CNIH3: variants seen among roughly 807,000 people sequenced by gnomAD.
CNIH3 encodes the protein protein cornichon homolog 3.
In CNIH3, 14 loss-of-function variants were observed where a neutral mutation model predicts 24.1. That is an observed-to-expected ratio of 0.58 (90% CI 0.38 to 0.91). CNIH3 has a LOEUF of 0.91. Ranked by LOEUF, CNIH3 falls within the 40% of genes least tolerant of loss-of-function variation. The probability of loss-of-function intolerance (pLI) is 0.00; values close to 1 mark genes in which losing one functional copy is unlikely to be tolerated. For synonymous variants in CNIH3, 68 were observed against 73.8 expected, an observed-to-expected ratio of 0.92 and a Z score of 0.40; for missense variants, 178 against 196.8, an observed-to-expected ratio of 0.90 and a Z score of 0.57.
chr1:224,702,835 C>T (rs1329269645), intron 3 of CNIH3, among the ~76,000 whole-genome samples: 2 of 152,182 alleles, frequency 1.3e-5, no homozygotes, highest in African/African-American at 4.8e-5. Flanking sequence ...TCTCTTTCCC[C>T]TCTCTTCCCT....
intron 5 of CNIH3, among the ~76,000 whole-genome samples, chr1:224,587,831 A>G (rs1681575010): frequency 6.6e-6 from 1 of 151,322 alleles, no homozygotes; most frequent in Non-Finnish European, 1.5e-5. Context: ...AGTCCCAGCT[A>G]CTCAGGAGGC....
chr1:224,578,144 C>A lies in CNIH3; in HGVS notation n.517-5020C>A, dbSNP rs553446785. 2.6e-5 allele frequency among the ~76,000 whole-genome samples: 4 copies of A among 152,142 alleles called. No individual in the cohort carries two copies. The South Asian group carries it at 6.2e-4, about 24-fold the overall frequency. ...AACTTTTCCATGCACCCAGACACCA[C>A]CTCTTCCCCCAAAACTATTGAAATA... On this transcript the variant is annotated intron_variant and non_coding_transcript_variant, in intron 4 of 5. Transcript: ENST00000471578.
intron 2 of CNIH3, among the ~76,000 whole-genome samples, chr1:224,683,603 G>A (rs1686507061): frequency 6.6e-6 from 1 of 152,208 alleles, no homozygotes; most frequent in Admixed American, 6.5e-5. Flanking sequence ...AGGCCCATTT[G>A]GATTTAAGAT....
At chr1:224,452,005 C>T (rs548698248) in intron 1 of CNIH3, among the ~76,000 whole-genome samples, 2 of 152,276 alleles carry the variant, frequency 1.3e-5, no homozygotes, top group Non-Finnish European at 2.9e-5. Context: ...CCAGAGTCGC[C>T]ACGCTTTCCT....
intron 3 of CNIH3, among the ~76,000 whole-genome samples, chr1:224,554,561 G>T (rs1214900383): frequency 2.0e-5 from 3 of 151,910 alleles, no homozygotes; most frequent in African/African-American, 7.3e-5. Flanking sequence ...TATAATAACA[G>T]CAATTTTTGT....
At chr1:224,559,897 T>C (rs929090524) in intron 3 of CNIH3, among the ~76,000 whole-genome samples, 34 of 152,324 alleles carry the variant, frequency 2.2e-4, no homozygotes, top group African/African-American at 7.7e-4. Flanking sequence ...ATGGTTATGA[T>C]GTCTTTGCAT....
intron 1 of CNIH3, among the ~76,000 whole-genome samples, chr1:224,618,149 C>T (rs971530224): frequency 1.3e-5 from 2 of 152,208 alleles, no homozygotes; most frequent in East Asian, 3.9e-4. Context: ...AGTGCGTACG[C>T]CGGTCCTCTC....
intron 1 of CNIH3, among the ~76,000 whole-genome samples, chr1:224,677,170 C>G (rs1320240917): frequency 6.6e-6 from 1 of 152,090 alleles, no homozygotes; most frequent in Non-Finnish European, 1.5e-5. Flanking sequence ...CCATTTAATC[C>G]TTTGGGTGGT....
At chr1:224,713,926 CA>C (rs1314855803) in intron 3 of CNIH3, among the ~76,000 whole-genome samples, 2 of 152,150 alleles carry the variant, frequency 1.3e-5, no homozygotes, top group Non-Finnish European at 2.9e-5. Flanking sequence ...GTGATCCTCC[CA>C]CCTCAGCCTC....
intron 1 of CNIH3, among the ~76,000 whole-genome samples, chr1:224,619,987 C>T (rs1207549431): frequency 6.6e-6 from 1 of 152,222 alleles, no homozygotes; most frequent in Non-Finnish European, 1.5e-5. Flanking sequence ...TCAGTCCAAT[C>T]GTTTTCCTCC....
At chr1:224,629,720 T>C (rs894038177) in intron 1 of CNIH3, among the ~76,000 whole-genome samples, 4 of 152,058 alleles carry the variant, frequency 2.6e-5, no homozygotes, top group Non-Finnish European at 5.9e-5. Flanking sequence ...TCCTGTGATA[T>C]TACAGGCAGA....
chr1:224,510,619 A>C (rs201165670), intron 1 of CNIH3, among the ~76,000 whole-genome samples: 2 of 148,078 alleles, frequency 1.4e-5, no homozygotes, highest in South Asian at 2.2e-4. Flanking sequence ...CAAAAAAAAA[A>C]CAAAAAAAAG....
upstream of CNIH3, among the ~76,000 whole-genome samples, chr1:224,613,227 C>G (rs1002130): frequency 6.7e-6 from 1 of 149,970 alleles, no homozygotes; most frequent in African/African-American, 2.4e-5. Flanking sequence ...TCGCGAACTC[C>G]TGACCTCAAG....
In CNIH3 at chr1:224,734,544, A is replaced by G. The variant is rs1425839975; in HGVS notation, c.312-19A>G. The stretch of plus-strand genomic sequence containing the variant: ...AAGTACCAGGACCTCAGAGACAATG[A>G]TGTCCTCTCTCCCTGCAGGTATTTC... On this transcript the variant is annotated intron_variant, in intron 4 of 5. Transcript: ENST00000272133. 4 of 1,613,062 alleles carry G rather than the reference A, an allele frequency of 2.5e-6. No homozygotes were observed. The highest frequency in any genetic ancestry group is 3.4e-6 in the Non-Finnish European group (4 of 1,179,236).
chr1:224,610,343 G>A (rs1277763669), intron 3 of CNIH3, among the ~76,000 whole-genome samples: 2 of 152,164 alleles, frequency 1.3e-5, no homozygotes, highest in South Asian at 2.1e-4. Flanking sequence ...TCCATGTGTC[G>A]AGGGAGGAAT....
At chr1:224,566,044 T>A (rs900463502) in intron 3 of CNIH3, among the ~76,000 whole-genome samples, 33 of 146,216 alleles carry the variant, frequency 2.3e-4, no homozygotes, top group African/African-American at 6.4e-4. Context: ...TTTTTTTTTT[T>A]ATTCTCTCCC....
intron 1 of CNIH3, among the ~76,000 whole-genome samples, chr1:224,665,338 A>G (rs767873294): frequency 6.6e-6 from 1 of 152,238 alleles, no homozygotes; most frequent in African/African-American, 2.4e-5. Context: ...ATCTAAATGA[A>G]GAACTGGGTG....
intron 3 of CNIH3, among the ~76,000 whole-genome samples, chr1:224,555,249 C>T (rs1478457352): frequency 1.8e-4 from 28 of 152,206 alleles, no homozygotes; most frequent in Admixed American, 1.8e-3. Flanking sequence ...TTGGGGCAGT[C>T]AGACTTCAGA....
chr1:224,457,510 G>GGT (rs1675725732), intron 1 of CNIH3, among the ~76,000 whole-genome samples: 2 of 135,172 alleles, frequency 1.5e-5, no homozygotes, highest in Non-Finnish European at 1.6e-5. Context: ...GTGGTCTGGG[G>GGT]ATTTTTTTTT....
Sources: gnomAD v4.1 joint callset for allele counts (sites outside exome capture counted in the v4.1 genomes callset) on GRCh38, gnomAD v4.1.1 for gene constraint, MANE v1.5 for transcripts, NCBI Gene and HGNC (gene_info 2026-07-23, HGNC 2026-07-21) for gene names.